The following TENM2 variants were observed in gnomAD, a reference collection of about 807,000 sequenced individuals.
TENM2 encodes the protein teneurin-2.
In TENM2, 52 loss-of-function variants were observed where a neutral mutation model predicts 245.2. That is an observed-to-expected ratio of 0.21 (90% CI 0.17 to 0.27). The LOEUF is 0.27. Ranked by LOEUF, TENM2 falls within the 10% of genes least tolerant of loss-of-function variation. TENM2 has a pLI of 1.00. For missense variants in TENM2, 3,046 were observed against 3,666.8 expected (o/e 0.83, Z 4.37); for synonymous variants, 1,363 against 1,438.9 (o/e 0.95, Z 1.19).
intron 12 of TENM2, among the ~76,000 whole-genome samples, chr5:168,130,875 G>C (rs1581399368): frequency 6.6e-6 from 1 of 152,118 alleles, no homozygotes; most frequent in South Asian, 2.1e-4. Flanking sequence ...GAGTGACAGA[G>C]CGAGATCCTG....
the TENM2 span, among the ~76,000 whole-genome samples, chr5:167,010,876 T>A: frequency 6.6e-6 from 1 of 152,226 alleles, no homozygotes; most frequent in African/African-American, 2.4e-5. Flanking sequence ...TCAACAAATG[T>A]TAGGTATTAA....
At chr5:167,283,204 C>T (rs1388022180), upstream of TENM2, among the ~76,000 whole-genome samples, 3 of 151,810 alleles carry the variant, frequency 2.0e-5, no homozygotes, top group Non-Finnish European at 2.9e-5. Context: ...CCACCAGGCC[C>T]AGCGAATTTT....
At chr5:168,073,358 G>T (rs981015604) in intron 7 of TENM2, among the ~76,000 whole-genome samples, 1 of 152,178 alleles carries the variant, frequency 6.6e-6, no homozygotes, top group Non-Finnish European at 1.5e-5. Flanking sequence ...ATCTTTGAGG[G>T]TGAGTTAAGC....
At chr5:167,632,239 A>G (rs186308557) in intron 2 of TENM2, among the ~76,000 whole-genome samples, 108 of 152,270 alleles carry the variant, frequency 7.1e-4, no homozygotes, top group Admixed American at 2.6e-3. Context: ...TCCCATAAGT[A>G]TTACAAGTTA....
chr5:167,107,484 T>A, the TENM2 span, among the ~76,000 whole-genome samples: 1 of 152,178 alleles, frequency 6.6e-6, no homozygotes, highest in African/African-American at 2.4e-5. Context: ...TTCAGAGGGT[T>A]ATCATTGTAT....
intron 2 of TENM2, among the ~76,000 whole-genome samples, chr5:167,568,305 T>G (rs1054549498): frequency 6.6e-6 from 1 of 151,972 alleles, no homozygotes; most frequent in African/African-American, 2.4e-5. Context: ...AAGGAAAACA[T>G]AGGGAGATAG....
intron 5 of TENM2, among the ~76,000 whole-genome samples, chr5:168,023,274 A>G (rs1189872622): frequency 1.3e-5 from 2 of 152,252 alleles, no homozygotes; most frequent in South Asian, 2.1e-4. Context: ...TCAAAATTCA[A>G]TAAAAATAAG....
At chr5:167,225,990 T>G in the TENM2 span, among the ~76,000 whole-genome samples, 2 of 152,118 alleles carry the variant, frequency 1.3e-5, no homozygotes, top group South Asian at 4.1e-4. Context: ...CTTTTGTATT[T>G]TTGTTGTATC....
intron 1 of TENM2, among the ~76,000 whole-genome samples, chr5:167,352,375 G>T (rs1561885490): frequency 6.6e-6 from 1 of 152,136 alleles, no homozygotes; most frequent in South Asian, 2.1e-4. Context: ...GCGTGACCTT[G>T]TTGAAATTTT....
intron 2 of TENM2, among the ~76,000 whole-genome samples, chr5:167,872,537 AAAGAAAGAAAGAGAAAG>A (rs1773038333): frequency 3.9e-5 from 2 of 50,910 alleles, no homozygotes; most frequent in African/African-American, 1.1e-4. Context: ...AGAAAGAAAG[AAAGAAAGAAAGAGAAAG>A]AAAGAAAGAA....
intron 5 of TENM2, among the ~76,000 whole-genome samples, chr5:168,018,895 T>C (rs1479504525): frequency 2.0e-5 from 3 of 152,108 alleles, no homozygotes; most frequent in African/African-American, 7.2e-5. Context: ...AGAAAATAGA[T>C]GTGCACACTA....
intron 15 of TENM2, among the ~76,000 whole-genome samples, chr5:168,196,446 C>T (rs765832460): frequency 2.0e-5 from 3 of 152,068 alleles, no homozygotes; most frequent in Non-Finnish European, 4.4e-5. Flanking sequence ...TCTTAGAAGC[C>T]GGTGGGGTTT....
intron 13 of TENM2, among the ~76,000 whole-genome samples, chr5:168,176,398 A>T (rs1265846503): frequency 2.0e-5 from 3 of 152,110 alleles, no homozygotes; most frequent in African/African-American, 7.2e-5. Context: ...CAACTCACAG[A>T]TACACTTTCA....
the TENM2 span, among the ~76,000 whole-genome samples, chr5:167,246,676 T>C: frequency 6.6e-5 from 10 of 152,086 alleles, no homozygotes; most frequent in East Asian, 7.7e-4. Flanking sequence ...CAGTAGTTGG[T>C]GGGGAGCTGC....
chr5:167,093,891 T>G, the TENM2 span, among the ~76,000 whole-genome samples: 2 of 152,180 alleles, frequency 1.3e-5, 1 homozygote, highest in Non-Finnish European at 2.9e-5. Flanking sequence ...AGCTATAGTA[T>G]CTCTCATCAG....
chr5:167,259,716 TCTC>T, the TENM2 span, among the ~76,000 whole-genome samples: 2 of 151,936 alleles, frequency 1.3e-5, no homozygotes, highest in Non-Finnish European at 1.5e-5. Context: ...GAATTCATCT[TCTC>T]CTCTGATTTT....
intron 2 of TENM2, among the ~76,000 whole-genome samples, chr5:167,737,101 C>T (rs937126383): frequency 2.0e-5 from 3 of 152,164 alleles, no homozygotes; most frequent in Non-Finnish European, 4.4e-5. Context: ...CTGTCGCTCC[C>T]GATCATGTCC....
intron 2 of TENM2, among the ~76,000 whole-genome samples, chr5:167,762,176 C>T (rs965309351): frequency 4.6e-5 from 7 of 152,182 alleles, no homozygotes; most frequent in African/African-American, 1.4e-4. Flanking sequence ...TAAACACACA[C>T]GTGCACGTGC....
exon 8 of TENM2, chr5:168,090,600 G>C: frequency 6.2e-7 from 1 of 1,613,416 alleles, no homozygotes; most frequent in Non-Finnish European, 8.5e-7. Flanking sequence ...GTCTGGACGG[G>C]AAGGAGAAGT....
Sources: gnomAD v4.1 joint callset for allele counts (sites outside exome capture counted in the v4.1 genomes callset) on GRCh38, gnomAD v4.1.1 for gene constraint, MANE v1.5 for transcripts, NCBI Gene and HGNC (gene_info 2026-07-23, HGNC 2026-07-21) for gene names.